ITGA2B: variants seen among roughly 807,000 people sequenced by gnomAD.
ITGA2B encodes integrin subunit alpha 2b, also known as integrin alpha-IIb.
ITGA2B carries 91 observed loss-of-function variants against 142.0 expected under a neutral mutation model. The observed-to-expected ratio is 0.64, with a 90% CI of 0.54 to 0.76. The LOEUF (loss-of-function observed/expected upper bound fraction) is 0.76, where lower values mean the gene tolerates loss of function less well. Ranked by LOEUF, ITGA2B falls within the 30% of genes least tolerant of loss-of-function variation. The pLI is 0.00. For missense variants in ITGA2B, 1,231 were observed against 1,350.8 expected (o/e 0.91, Z 1.39); for synonymous variants, 536 against 567.2 (o/e 0.94, Z 0.78).
intron 18 of ITGA2B, among the ~76,000 whole-genome samples, chr17:44,379,368 A>G (rs559773902): frequency 1.3e-5 from 2 of 150,878 alleles, no homozygotes; most frequent in South Asian, 4.2e-4. Context: ...CTCCTGCTTC[A>G]GCCTCCCGAG....
chr17:44,375,025 G>A lies in ITGA2B; in HGVS notation c.2814C>T (p.Ala938=), dbSNP rs1006186368. The A allele has an allele frequency of 6.5e-7, 1 of 1,528,640 alleles. No individual in the cohort carries two copies. The highest frequency in any genetic ancestry group is 8.8e-7 in the Non-Finnish European group (1 of 1,138,318). 94.7% of individuals were successfully genotyped at this position (1,528,640 alleles called of 1,614,324 possible). A position where few individuals can be genotyped will look rare whatever the true frequency, so the allele number is the denominator to read the frequency against. ...RGQRAMVTVL[A]FLWLPSLYQR... ...GGTAGAGGCTGGGCAGCCACAGGAA[G>A]GCCAGCACCGTGACCATGGCCCGCT... is the stretch of plus-strand genomic sequence containing the variant. The change falls in exon 27 of 30, where the codon GCC becomes GCT. Residue 938 remains alanine, a synonymous_variant. Coordinates refer to ENST00000262407, the MANE Select transcript of ITGA2B (RefSeq NM_000419.5).
At chr17:44,381,090 T>G in intron 12 of ITGA2B, 29 bp from the exon 13 acceptor site, 13 of 1,607,886 alleles carry the variant, frequency 8.1e-6, no homozygotes, top group Non-Finnish European at 1.1e-5. Flanking sequence ...AGGAAGTGGC[T>G]GATTGTTATT....
At chr17:44,374,976 G>GCCCCC in intron 27 of ITGA2B, 22 bp downstream of exon 27, 2 of 549,334 alleles carry the variant, frequency 3.6e-6, no homozygotes, top group South Asian at 1.9e-5. Context: ...GCCCGGCCCC[G>GCCCCC]CCCCACCACG....
Position 44,380,476 on chromosome 17 carries a change from A to C in ITGA2B, c.1454T>G (p.Val485Gly). The part of the protein sequence containing the change: ...QVAVYRAQPV[V>G]KASVQLLVQD... Reference sequence around the variant, plus strand: ...CACCAGTAGCTGGACAGAGGCCTTCACCACTGGCTGAGCTCTGATGGGATA... The same window carrying C: ...CACCAGTAGCTGGACAGAGGCCTTCCCCACTGGCTGAGCTCTGATGGGATA... Residue 485 changes from valine to glycine, a missense_variant, in exon 15 of 30, where the codon GTG becomes GGG. Physicochemically the swap from Val to Gly is moderately radical, Grantham distance 109 (BLOSUM62 -3). This residue lies in a region of ITGA2B where 908 missense variants were observed against 1,021.1 expected (regional missense o/e 0.89). Coordinates refer to ENST00000262407, the MANE Select transcript of ITGA2B (RefSeq NM_000419.5). The C allele has an allele frequency of 6.2e-7, 1 of 1,614,010 alleles. No individual in the cohort carries two copies. Among genetic ancestry groups the C allele is most frequent in the Non-Finnish European group, 8.5e-7 (1 of 1,179,978 alleles).
intron 3 of ITGA2B, 52 bp from the exon 4 acceptor site, chr17:44,385,768 G>C: frequency 1.2e-6 from 2 of 1,612,772 alleles, no homozygotes; most frequent in Non-Finnish European, 1.7e-6. Flanking sequence ...GGCTCCTCCT[G>C]GCCCCAGGTG....
chr17:44,385,926 A>G lies in ITGA2B; in HGVS notation c.311-5T>C, dbSNP rs1475088663. The stretch of plus-strand genomic sequence containing the variant: ...CTACATTTCGGGTCTCATCACCTGG[A>G]AGGCACAAGAAGGGGTGGGGCGCTG... On this transcript the variant is annotated splice_polypyrimidine_tract_variant and splice_region_variant and intron_variant, in intron 2 of 29. Transcript: ENST00000262407. 6.2e-7 allele frequency: 1 copy of G among 1,613,778 alleles called. No individual in the cohort carries two copies. The highest frequency in any genetic ancestry group is 1.7e-5 in the Admixed American group (1 of 59,944).
In ITGA2B at chr17:44,372,263, A is replaced by G. The variant is rs1051256811; in HGVS notation, c.*101T>C. On this transcript the variant is annotated 3_prime_UTR_variant, in exon 30 of 30. Transcript: ENST00000262407. The stretch of plus-strand genomic sequence containing the variant: ...AGGGAAACGACACCAAGAGGACCCA[A>G]TGGAACAGCTCCAACCCAAAGCTTG... 1.7e-5 allele frequency: 21 copies of G among 1,228,318 alleles called. No individual in the cohort carries two copies. Among genetic ancestry groups the G allele is most frequent in the African/African-American group, 1.2e-4 (8 of 67,024 alleles). 76.1% of individuals were successfully genotyped at this position (1,228,318 alleles called of 1,614,324 possible).
intron 28 of ITGA2B, 86 bp downstream of exon 28, chr17:44,374,573 C>T (rs902712982): frequency 7.9e-6 from 12 of 1,516,102 alleles, no homozygotes; most frequent in Admixed American, 3.3e-5. Context: ...CCACCCGTAC[C>T]ACCCCTCAGA....
intron 12 of ITGA2B, 106 bp from the exon 13 acceptor site, chr17:44,381,167 G>T: frequency 8.8e-7 from 1 of 1,137,466 alleles, no homozygotes; most frequent in Non-Finnish European, 1.2e-6. Context: ...GACTAGGAAA[G>T]GGGTGCAAAG....
chr17:44,379,866 TCTC>T (rs749964465), intron 17 of ITGA2B, 52 bp from the exon 18 acceptor site: 12 of 1,612,598 alleles, frequency 7.4e-6, no homozygotes, highest in East Asian at 2.2e-5. Context: ...CATCCCACCT[TCTC>T]CTGGCCAGTA....
intron 18 of ITGA2B, 127 bp downstream of exon 18, chr17:44,379,562 A>T: frequency 6.9e-7 from 1 of 1,451,146 alleles, no homozygotes; most frequent in Non-Finnish European, 9.6e-7. Flanking sequence ...CTGGATTTTG[A>T]GGTTTTCATT....
chr17:44,375,136 C>T, intron 26 of ITGA2B, 25 bp from the exon 27 acceptor site: 3 of 1,535,372 alleles, frequency 2.0e-6, no homozygotes, highest in Non-Finnish European at 2.6e-6. Flanking sequence ...CGTCAGTCCC[C>T]AGCCCGTCCC....
At chr17:44,379,147 G>T (rs1380126883) in intron 18 of ITGA2B, among the ~76,000 whole-genome samples, 1 of 151,310 alleles carries the variant, frequency 6.6e-6, no homozygotes, top group African/African-American at 2.4e-5. Context: ...TAGTAGACGG[G>T]GTTTCACTGT....
rs1350022729 is a variant in ITGA2B, at chr17:44,379,826, G to T, written c.1753-12C>A. On this transcript the variant is annotated splice_polypyrimidine_tract_variant and intron_variant, in intron 17 of 29. Coordinates refer to ENST00000262407, the MANE Select transcript of ITGA2B (RefSeq NM_000419.5). ...AAGTCTGCCTCATCCTAGGACAGGGGCAAGAGTCAGGCCATCTTGCTACCA... is the reference window on the plus strand; with the variant it reads ...AAGTCTGCCTCATCCTAGGACAGGGTCAAGAGTCAGGCCATCTTGCTACCA... The T allele has an allele frequency of 3.7e-6, 6 of 1,613,772 alleles. No homozygotes were observed. The highest frequency in any genetic ancestry group is 3.4e-6 in the Non-Finnish European group (4 of 1,179,966).
At chr17:44,377,855 G>A (rs2048558938) in intron 20 of ITGA2B, 65 bp from the exon 21 acceptor site, 1 of 1,082,190 alleles carries the variant, frequency 9.2e-7, no homozygotes, top group African/African-American at 1.6e-5. Flanking sequence ...AAGCTCCCTT[G>A]GAAGGTCTGG....
At chr17:44,388,148 G>A (rs2048666224) in intron 1 of ITGA2B, among the ~76,000 whole-genome samples, 1 of 152,116 alleles carries the variant, frequency 6.6e-6, no homozygotes, top group Admixed American at 6.6e-5. Flanking sequence ...GCTATGAAGA[G>A]GAGGAGCCAA....
chr17:44,378,318 T>G (rs899221874), intron 20 of ITGA2B, 44 bp downstream of exon 20: 2 of 1,587,182 alleles, frequency 1.3e-6, no homozygotes, highest in African/African-American at 2.7e-5. Flanking sequence ...AAGGCTCCAG[T>G]GCCTCCCAGG....
At chr17:44,382,519 T>A (rs549896072) in intron 12 of ITGA2B, among the ~76,000 whole-genome samples, 14 of 152,090 alleles carry the variant, frequency 9.2e-5, no homozygotes, top group Admixed American at 2.6e-4. Context: ...TTTTTTTTTT[T>A]ATTTTGTTGA....
intron 1 of ITGA2B, 114 bp downstream of exon 1, chr17:44,389,172 C>G (rs1174462304): frequency 1.7e-6 from 2 of 1,206,736 alleles, no homozygotes; most frequent in Non-Finnish European, 2.4e-6. Context: ...TGAATAGGCC[C>G]CACAAGTCAC....
Sources: gnomAD v4.1 joint callset for allele counts (sites outside exome capture counted in the v4.1 genomes callset) on GRCh38, gnomAD v4.1.1 for gene constraint, gnomAD v4.1.1 regional missense constraint, MANE v1.5 for transcripts, NCBI Gene and HGNC (gene_info 2026-07-23, HGNC 2026-07-21) for gene names.